Variants in WNK2 observed in about 807,000 individuals in gnomAD.
The protein encoded by WNK2 is serine/threonine-protein kinase WNK2.
In WNK2, 67 loss-of-function variants were observed where a neutral mutation model predicts 192.1. That is an observed-to-expected ratio of 0.35 (90% CI 0.29 to 0.43). The LOEUF (loss-of-function observed/expected upper bound fraction) is 0.43, where lower values mean the gene tolerates loss of function less well. Ranked by LOEUF, WNK2 falls within the 20% of genes least tolerant of loss-of-function variation. The pLI, the probability that WNK2 is intolerant of heterozygous loss-of-function variation, is 1.00. For missense variants in WNK2, 2,698 were observed against 3,089.7 expected (o/e 0.87, Z 3.01); for synonymous variants, 1,439 against 1,393.9 (o/e 1.03, Z -0.72).
intron 28 of WNK2, among the ~76,000 whole-genome samples, chr9:93,311,501 G>A (rs1490842340): frequency 6.6e-6 from 1 of 152,124 alleles, no homozygotes; most frequent in Non-Finnish European, 1.5e-5. Flanking sequence ...GTTTTTCGAG[G>A]AACTATTTTC....
intron 2 of WNK2, among the ~76,000 whole-genome samples, chr9:93,206,251 G>A (rs1487026616): frequency 1.3e-5 from 2 of 152,212 alleles, no homozygotes; most frequent in African/African-American, 4.8e-5. Flanking sequence ...GCTTGGGGCT[G>A]CCCCTTTTGA....
At chr9:93,250,215 C>G (rs1157912980) in intron 8 of WNK2, among the ~76,000 whole-genome samples, 1 of 152,254 alleles carries the variant, frequency 6.6e-6, no homozygotes, top group East Asian at 1.9e-4. Context: ...TGCACATACA[C>G]ATGGCTACCA....
At chr9:93,191,035 C>T (rs1209985518) in intron 2 of WNK2, among the ~76,000 whole-genome samples, 1 of 152,142 alleles carries the variant, frequency 6.6e-6, no homozygotes, top group Non-Finnish European at 1.5e-5. Flanking sequence ...GAGACCCCCA[C>T]GGAGGACTGG....
intron 2 of WNK2, among the ~76,000 whole-genome samples, chr9:93,209,459 G>A (rs1394433421): frequency 6.6e-6 from 1 of 152,202 alleles, no homozygotes; most frequent in African/African-American, 2.4e-5. Context: ...GCCTGAGGTG[G>A]ACCTCAGTCC....
rs1447672818 is a variant in WNK2, at chr9:93,288,927, G to A, written c.4173G>A (p.Val1391=). 1 of 1,606,932 alleles carries A rather than the reference G, an allele frequency of 6.2e-7. No individual in the cohort carries two copies. The change falls in exon 20 of 30, where the codon GTG becomes GTA. Residue 1391 remains valine (V), a synonymous_variant. Transcript: ENST00000427277. ...PAPLAPSSPP[V]TALPQDGAAP... Reference sequence around the variant, plus strand: ...CTTTGGCCCCCTCCTCCCCTCCTGTGACTGCTCTGCCCCAAGATGGAGCAG... The same window carrying A: ...CTTTGGCCCCCTCCTCCCCTCCTGTAACTGCTCTGCCCCAAGATGGAGCAG...
chr9:93,293,830 TTCTC>T (rs374198218), intron 23 of WNK2, among the ~76,000 whole-genome samples: 84 of 151,276 alleles, frequency 5.6e-4, no homozygotes, highest in African/African-American at 1.6e-3. Context: ...TCCTTTCTCC[TTCTC>T]TCTCTCTCTC....
intron 29 of WNK2, chr9:93,318,072 T>C: frequency 6.2e-7 from 1 of 1,608,892 alleles, no homozygotes; most frequent in Non-Finnish European, 8.5e-7. Context: ...TTCCTATACT[T>C]GAGTTGATGG....
chr9:93,229,761 G>A lies in WNK2; in HGVS notation c.747G>A (p.Leu249=). 1 of 1,613,804 alleles carries A rather than the reference G, an allele frequency of 6.2e-7. No homozygotes were observed. Among genetic ancestry groups the A allele is most frequent in the Non-Finnish European group, 8.5e-7 (1 of 1,179,830 alleles). ...AAGAGGCTGAGATGCTGAAAGGCCT[G>A]CAGCACCCCAACATCGTGCGCTTCT... ...FKEEAEMLKG[L]QHPNIVRFYD... Residue 249 remains leucine, a synonymous_variant, in exon 3 of 30, where the codon CTG becomes CTA. Transcript: ENST00000427277. This position sits in a 1 kb window ranked among gnomAD's most constrained non-coding sequence, Gnocchi z 4.9.
At position 93,273,159 on chromosome 9, in the gene WNK2, TTTAG is replaced by T. The variant is rs574251536; in HGVS notation, c.4033+4424_4033+4427del. 5.5e-4 allele frequency among the ~76,000 whole-genome samples: 84 copies of T among 152,372 alleles called. 1 individual carries two copies. In the East Asian group the frequency reaches 7.9e-3, roughly 14 times the overall value. The stretch of plus-strand genomic sequence containing the variant: ...AAAAGAGACTTTATTTATTTACTTA[TTTAG>T]TTAGTTAGTTTTTGAGATGGAGTCT... On this transcript the variant is annotated intron_variant, in intron 19 of 29. Coordinates refer to ENST00000427277, the MANE Select transcript of WNK2 (RefSeq NM_006648.4).
intron 19 of WNK2, among the ~76,000 whole-genome samples, chr9:93,288,061 C>T (rs543892383): frequency 2.2e-4 from 34 of 152,232 alleles, no homozygotes; most frequent in African/African-American, 6.3e-4. Context: ...AAAGAAAGGT[C>T]GGGTTGCATT....
chr9:93,256,520 G>C, intron 10 of WNK2, 66 bp downstream of exon 10: 2 of 1,436,728 alleles, frequency 1.4e-6, no homozygotes, highest in Non-Finnish European at 1.8e-6. Flanking sequence ...TGGCCCCTGG[G>C]CCCAGGTCTA....
At chr9:93,222,313 C>T (rs1054520358) in intron 2 of WNK2, among the ~76,000 whole-genome samples, 3 of 152,134 alleles carry the variant, frequency 2.0e-5, no homozygotes, top group East Asian at 1.9e-4. Context: ...AGACACCAGG[C>T]GTGTGCCACC....
chr9:93,211,720 C>T lies in WNK2; in HGVS notation c.682-17976C>T, dbSNP rs543417658. On this transcript the variant is annotated intron_variant, in intron 2 of 29. Coordinates refer to ENST00000427277, the MANE Select transcript of WNK2 (RefSeq NM_006648.4). ...TCTACTCATTCACCATTCATCTACT[C>T]ATTCACTTACTCATCCAGTCACTCA... Among the ~76,000 whole-genome samples, 32 of 152,228 alleles carry T rather than the reference C, an allele frequency of 2.1e-4. 1 individual carries two copies. The South Asian group carries it at 4.6e-3, about 22-fold the overall frequency.
chr9:93,320,461 G>A lies in WNK2; in HGVS notation c.*69G>A, dbSNP rs1156856837. The A allele has an allele frequency of 4.4e-6, 6 of 1,354,416 alleles. No individual in the cohort carries two copies. Among genetic ancestry groups the A allele is most frequent in the Non-Finnish European group, 2.0e-6 (2 of 1,010,398 alleles). 83.9% of individuals were successfully genotyped at this position (1,354,416 alleles called of 1,614,324 possible). ...AAGTGACGGACCCTCAGGGCCAGCTGCTCCTCCTGTCCAGTTCACGCTGTT... is the reference window on the plus strand; with the variant it reads ...AAGTGACGGACCCTCAGGGCCAGCTACTCCTCCTGTCCAGTTCACGCTGTT... On this transcript the variant is annotated 3_prime_UTR_variant, in exon 30 of 30. Transcript: ENST00000427277.
At chr9:93,268,947 C>G (rs1432445485) in intron 19 of WNK2, 2 of 1,551,742 alleles carry the variant, frequency 1.3e-6, no homozygotes, top group Non-Finnish European at 1.7e-6. Flanking sequence ...AAAGCAGCCT[C>G]CAGGTTTGAG....
Position 93,229,872 on chromosome 9 carries a change from A to T in WNK2, c.854+4A>T, listed in dbSNP as rs758463690. ...TGACCTCAGGGACGCTGAAGACGTA[A>T]GCTCCGCTTCCTGAGGGCTGGGGCG... is the stretch of plus-strand genomic sequence containing the variant. On this transcript the variant is annotated splice_donor_region_variant and intron_variant, in intron 3 of 29. Transcript: ENST00000427277. The surrounding 1 kb of genome is among the most constrained non-coding windows in gnomAD (Gnocchi z 4.9). The T allele has an allele frequency of 2.5e-6, 4 of 1,612,560 alleles. No homozygotes were observed. In the South Asian group the frequency reaches 3.3e-5, roughly 13 times the overall value.
At chr9:93,261,583 C>T (rs1307205587) in intron 12 of WNK2, among the ~76,000 whole-genome samples, 1 of 152,240 alleles carries the variant, frequency 6.6e-6, no homozygotes, top group African/African-American at 2.4e-5. Context: ...CTGGCCTTTG[C>T]ACACAAGTAG....
intron 9 of WNK2, among the ~76,000 whole-genome samples, chr9:93,253,321 A>G (rs1362286687): frequency 6.6e-6 from 1 of 151,666 alleles, no homozygotes. Context: ...TAGCCCTGAC[A>G]TTCCTGTAAA....
rs7855391 is a variant in WNK2 at position 93,229,958 on chromosome 9, G to T, written c.854+90G>T. On this transcript the variant is annotated intron_variant, in intron 3 of 29. Transcript: ENST00000427277. This position sits in a 1 kb window ranked among gnomAD's most constrained non-coding sequence, Gnocchi z 4.9. The stretch of plus-strand genomic sequence containing the variant: ...GGTGAGGTCTTGGGCTGCTGGGGTG[G>T]TCCTGGCTGGTGCCTGTGGGAGGCT... 218,032 of 1,484,026 alleles carry T rather than the reference G, an allele frequency of 0.15. 17,045 individuals are homozygous for T. Among genetic ancestry groups the T allele is most frequent in the South Asian group, 0.28 (21,729 of 77,660 alleles). 91.9% of individuals were successfully genotyped at this position (1,484,026 alleles called of 1,614,324 possible).
Sources: gnomAD v4.1 joint callset for allele counts (sites outside exome capture counted in the v4.1 genomes callset) on GRCh38, gnomAD v4.1.1 for gene constraint, Gnocchi (gnomAD v3.1) non-coding constraint, MANE v1.5 for transcripts, NCBI Gene and HGNC (gene_info 2026-07-23, HGNC 2026-07-21) for gene names.